The following CAST variants were observed in gnomAD, a reference collection of about 807,000 sequenced individuals.
CAST encodes the protein MIR583 host.
In CAST, 76 loss-of-function variants were observed where a neutral mutation model predicts 119.6. That is an observed-to-expected ratio of 0.64 (90% CI 0.53 to 0.77). The LOEUF is 0.77. Ranked by LOEUF, CAST falls within the 30% of genes least tolerant of loss-of-function variation. The pLI is 0.00. For synonymous variants in CAST, 319 were observed against 331.6 expected (o/e 0.96, Z 0.41); for missense variants, 953 against 946.5 (o/e 1.01, Z -0.09).
At chr5:96,120,210 CT>C in the CAST span, among the ~76,000 whole-genome samples, 1 of 152,116 alleles carries the variant, frequency 6.6e-6, no homozygotes, top group Admixed American at 6.6e-5. Context: ...ATGAATAAAA[CT>C]GCCTTGGGCT....
chr5:96,169,796 A>T, the CAST span, among the ~76,000 whole-genome samples: 3 of 152,148 alleles, frequency 2.0e-5, no homozygotes, highest in South Asian at 4.1e-4. Context: ...AAAGGAGACA[A>T]TGAGGTGTGG....
At chr5:96,337,209 A>G in the CAST span, among the ~76,000 whole-genome samples, 14 of 151,920 alleles carry the variant, frequency 9.2e-5, no homozygotes, top group Non-Finnish European at 2.9e-5. Context: ...GAATCACACA[A>G]CCACACACAC....
At chr5:96,420,443 A>G in the CAST span, among the ~76,000 whole-genome samples, 10 of 152,082 alleles carry the variant, frequency 6.6e-5, no homozygotes, top group Admixed American at 1.3e-4. Flanking sequence ...AGTGGTTCCT[A>G]TTGTGTTTTT....
At chr5:96,704,588 T>C (rs1358389819) in intron 3 of CAST, among the ~76,000 whole-genome samples, 2 of 152,232 alleles carry the variant, frequency 1.3e-5, no homozygotes, top group African/African-American at 2.4e-5. Context: ...ATTAGTCCTA[T>C]TCAAATAAAA....
the CAST span, chr5:96,400,247 A>G: frequency 8.8e-7 from 1 of 1,134,068 alleles, no homozygotes; most frequent in Non-Finnish European, 1.3e-6. Context: ...TGCAAAAGCA[A>G]GTGCTAACAA....
At chr5:95,961,775 G>A in the CAST span, 1 of 1,514,334 alleles carries the variant, frequency 6.6e-7, no homozygotes, top group East Asian at 2.5e-5. Flanking sequence ...AGCCTCCACT[G>A]CGGCCGCGGC....
At chr5:96,159,967 TAAAA>T in the CAST span, among the ~76,000 whole-genome samples, 3 of 142,286 alleles carry the variant, frequency 2.1e-5, no homozygotes, top group African/African-American at 5.2e-5. Context: ...CTGTCTCTAC[TAAAA>T]AAAAAAAAAA....
chr5:96,534,446 G>A (rs35809511), intron 1 of CAST, among the ~76,000 whole-genome samples: 92,541 of 150,764 alleles, frequency 0.61, 28,739 homozygotes, highest in East Asian at 0.86. Context: ...TGAGGTGGGC[G>A]GATTACGAGG....
chr5:96,505,685 T>A, the CAST span, among the ~76,000 whole-genome samples: 5 of 152,194 alleles, frequency 3.3e-5, no homozygotes, highest in Admixed American at 3.3e-4. Flanking sequence ...AAGGGGCCTC[T>A]TTCAGAGATC....
the CAST span, among the ~76,000 whole-genome samples, chr5:96,134,185 A>G: frequency 1.3e-5 from 2 of 152,224 alleles, no homozygotes; most frequent in African/African-American, 4.8e-5. Flanking sequence ...AAATGTGCTC[A>G]TGTGAATTTT....
chr5:96,079,745 A>G, the CAST span, among the ~76,000 whole-genome samples: 3 of 152,216 alleles, frequency 2.0e-5, no homozygotes. Context: ...AATTAGGAAC[A>G]TACTATATAC....
the CAST span, among the ~76,000 whole-genome samples, chr5:96,405,605 A>C: frequency 6.6e-6 from 1 of 152,192 alleles, no homozygotes; most frequent in Non-Finnish European, 1.5e-5. Context: ...GGAGGGGTTG[A>C]GGTTGCAGTG....
At chr5:96,427,067 A>T in the CAST span, among the ~76,000 whole-genome samples, 1 of 152,228 alleles carries the variant, frequency 6.6e-6, no homozygotes, top group African/African-American at 2.4e-5. Context: ...GGGAATAAGT[A>T]CTAATCTTTG....
the CAST span, among the ~76,000 whole-genome samples, chr5:96,405,233 A>G: frequency 3.8e-4 from 58 of 152,328 alleles, no homozygotes; most frequent in Non-Finnish European, 7.9e-4. Context: ...AAGGGAATTA[A>G]ATTCTTATGA....
the CAST span, among the ~76,000 whole-genome samples, chr5:96,309,902 A>G: frequency 2.0e-5 from 3 of 152,242 alleles, no homozygotes; most frequent in East Asian, 1.9e-4. Context: ...CTATTCGGCC[A>G]TCTTTTGGAT....
chr5:96,063,152 G>C, the CAST span, among the ~76,000 whole-genome samples: 2 of 152,116 alleles, frequency 1.3e-5, no homozygotes, highest in Non-Finnish European at 2.9e-5. Flanking sequence ...AATCTGGTGT[G>C]CTGTCCACAT....
the CAST span, among the ~76,000 whole-genome samples, chr5:96,115,316 A>G: frequency 6.6e-6 from 1 of 152,348 alleles, no homozygotes; most frequent in African/African-American, 2.4e-5. Flanking sequence ...AAAACAAACA[A>G]TAAAAACAAA....
chr5:96,505,615 CA>C, the CAST span, among the ~76,000 whole-genome samples: 1 of 152,318 alleles, frequency 6.6e-6, no homozygotes, highest in South Asian at 2.1e-4. Context: ...ATAGAATCAC[CA>C]CTGGTTCTCA....
At chr5:96,550,369 C>G (rs1003873353) in intron 1 of CAST, among the ~76,000 whole-genome samples, 2 of 152,178 alleles carry the variant, frequency 1.3e-5, no homozygotes, top group African/African-American at 4.8e-5. Context: ...ATAGCATCAA[C>G]ATCAACAAAA....
Sources: gnomAD v4.1 joint callset for allele counts (sites outside exome capture counted in the v4.1 genomes callset) on GRCh38, gnomAD v4.1.1 for gene constraint, MANE v1.5 for transcripts, NCBI Gene and HGNC (gene_info 2026-07-23, HGNC 2026-07-21) for gene names.